Variants in RABGAP1L observed in about 807,000 individuals in gnomAD.
RABGAP1L encodes the protein RAB GTPase activating protein 1 like.
Under a neutral mutation model 137.7 loss-of-function variants are expected in RABGAP1L, and 63 were observed. That is an observed-to-expected ratio of 0.46 (90% confidence interval 0.37 to 0.56). The LOEUF (loss-of-function observed/expected upper bound fraction) is 0.56. Ranked by LOEUF, RABGAP1L falls within the 20% of genes least tolerant of loss-of-function variation. The pLI, the probability that RABGAP1L is intolerant of heterozygous loss-of-function variation, is 0.00. For missense variants in RABGAP1L, 1,095 were observed against 1,244.0 expected (o/e 0.88, Z 1.80); for synonymous variants, 431 against 433.7 (o/e 0.99, Z 0.08).
In RABGAP1L at chr1:174,993,788, T is replaced by A. The variant is rs1672209455; in HGVS notation, c.*3787T>A. 6.6e-6 allele frequency: 1 copy of A among 152,260 alleles called. No homozygotes were observed. The highest frequency in any genetic ancestry group is 6.5e-5 in the Admixed American group (1 of 15,290). The allele number at this position is 152,260 out of a possible 1,614,324, so 9.4% of individuals were successfully genotyped here. On this transcript the variant is annotated 3_prime_UTR_variant, in exon 26 of 26. Coordinates refer to ENST00000681986, the MANE Select transcript of RABGAP1L (RefSeq NM_001366446.1). ...CTGGGAAAGAACACTTTTACTTGATTAGCAAGATGATTATATTATATAACT... is the reference window on the plus strand; with the variant it reads ...CTGGGAAAGAACACTTTTACTTGATAAGCAAGATGATTATATTATATAACT...
intron 14 of RABGAP1L, among the ~76,000 whole-genome samples, chr1:174,678,169 C>T (rs973560432): frequency 6.6e-6 from 1 of 151,922 alleles, no homozygotes; most frequent in Non-Finnish European, 1.5e-5. Flanking sequence ...TTTTGAAAAA[C>T]ACAAATTATT....
At chr1:174,363,390 A>G (rs1684310050) in intron 11 of RABGAP1L, among the ~76,000 whole-genome samples, 1 of 152,204 alleles carries the variant, frequency 6.6e-6, no homozygotes, top group Non-Finnish European at 1.5e-5. Context: ...GGCCATTTTC[A>G]CAATATTGCT....
chr1:174,343,484 A>G (rs1378656451), intron 11 of RABGAP1L, among the ~76,000 whole-genome samples: 1 of 152,188 alleles, frequency 6.6e-6, no homozygotes, highest in East Asian at 1.9e-4. Context: ...CTAGTTCACA[A>G]TAAATATCTC....
chr1:174,478,289 G>A (rs1658722354), intron 13 of RABGAP1L, among the ~76,000 whole-genome samples: 1 of 151,764 alleles, frequency 6.6e-6, no homozygotes, highest in Non-Finnish European at 1.5e-5. Flanking sequence ...GTGTGTGGTT[G>A]AGACAGGATC....
intron 20 of RABGAP1L, among the ~76,000 whole-genome samples, chr1:174,960,142 A>G (rs1188286607): frequency 1.3e-5 from 2 of 152,156 alleles, no homozygotes; most frequent in Non-Finnish European, 2.9e-5. Flanking sequence ...TCCACACCCT[A>G]GCTTGCCATA....
intron 19 of RABGAP1L, chr1:174,849,633 G>GAT (rs1458544206): frequency 3.9e-5 from 15 of 381,092 alleles, no homozygotes; most frequent in African/African-American, 2.5e-4. Flanking sequence ...AAATATACAG[G>GAT]ATGAGAAGTA....
intron 7 of RABGAP1L, among the ~76,000 whole-genome samples, chr1:174,264,742 T>C (rs556677210): frequency 6.7e-6 from 1 of 148,860 alleles, no homozygotes; most frequent in East Asian, 2.0e-4. Context: ...CTTCCAACTA[T>C]GTAAAGAAAG....
At chr1:174,535,797 CTTAG>C (rs749090684) in intron 13 of RABGAP1L, among the ~76,000 whole-genome samples, 5 of 152,096 alleles carry the variant, frequency 3.3e-5, no homozygotes, top group Admixed American at 2.0e-4. Flanking sequence ...AGAATTGCTT[CTTAG>C]TTTTTCATTA....
rs532345155 is a variant in RABGAP1L, at chr1:174,769,493, A to G, written c.2211+17139A>G. 1.4e-4 allele frequency among the ~76,000 whole-genome samples: 21 copies of G among 152,312 alleles called. No homozygotes were observed. In the East Asian group the frequency reaches 4.0e-3, roughly 29 times the overall value. ...AGAATAATGGCTGACAATCACGTCC[A>G]CACCATAGAAGAATTCAAGCTCCTC... On this transcript the variant is annotated intron_variant, in intron 18 of 25. Transcript: ENST00000681986.
At chr1:174,746,097 C>G (rs1683839374) in intron 17 of RABGAP1L, among the ~76,000 whole-genome samples, 1 of 152,198 alleles carries the variant, frequency 6.6e-6, no homozygotes, top group Non-Finnish European at 1.5e-5. Context: ...TCAGCTCTCT[C>G]TGAACCCACG....
In RABGAP1L at chr1:174,749,819, T is replaced by C. The variant is rs1322060426; in HGVS notation, c.2170-2494T>C. On this transcript the variant is annotated intron_variant, in intron 17 of 25. Coordinates refer to ENST00000681986, the MANE Select transcript of RABGAP1L (RefSeq NM_001366446.1). Reference sequence around the variant, plus strand: ...AAGGGAATCCTCTATAGAAAGTAAATTTTCCCCACAAGAGACAACTTTGTA... The same window carrying C: ...AAGGGAATCCTCTATAGAAAGTAAACTTTCCCCACAAGAGACAACTTTGTA... Among the ~76,000 whole-genome samples, 5 of 152,230 alleles carry C rather than the reference T, an allele frequency of 3.3e-5. No homozygotes were observed. In the East Asian group the frequency reaches 9.7e-4, roughly 29 times the overall value.
chr1:174,608,451 G>T (rs1285840860), intron 13 of RABGAP1L, among the ~76,000 whole-genome samples: 2 of 152,082 alleles, frequency 1.3e-5, no homozygotes, highest in African/African-American at 4.8e-5. Context: ...ATACAACTTG[G>T]TATTACAGTA....
chr1:174,455,272 A>G (rs934291588), intron 13 of RABGAP1L, among the ~76,000 whole-genome samples: 1 of 152,162 alleles, frequency 6.6e-6, no homozygotes, highest in Non-Finnish European at 1.5e-5. Flanking sequence ...AAATTTGAAA[A>G]CTTCCAAAAA....
chr1:174,729,975 A>G (rs1682325289), intron 17 of RABGAP1L, among the ~76,000 whole-genome samples: 1 of 152,216 alleles, frequency 6.6e-6, no homozygotes, highest in Admixed American at 6.5e-5. Flanking sequence ...CTGGATGTAT[A>G]TTTAAAAGAA....
At chr1:174,262,364 T>G (rs939981071) in intron 7 of RABGAP1L, among the ~76,000 whole-genome samples, 2 of 152,222 alleles carry the variant, frequency 1.3e-5, no homozygotes, top group African/African-American at 2.4e-5. Context: ...AGAAATACTT[T>G]TAAAATATGA....
At chr1:174,863,795 CA>C (rs1461913914) in intron 19 of RABGAP1L, among the ~76,000 whole-genome samples, 2 of 151,878 alleles carry the variant, frequency 1.3e-5, no homozygotes, top group African/African-American at 4.8e-5. Context: ...GCCTGGCCAA[CA>C]TGGTGAAACC....
At chr1:174,386,668 T>A (rs1363352523) in intron 12 of RABGAP1L, among the ~76,000 whole-genome samples, 1 of 152,010 alleles carries the variant, frequency 6.6e-6, no homozygotes, top group East Asian at 1.9e-4. Context: ...CCACCACGCC[T>A]GGCTAATTTT....
chr1:174,480,253 G>T (rs1465477507), intron 13 of RABGAP1L, among the ~76,000 whole-genome samples: 1 of 152,104 alleles, frequency 6.6e-6, no homozygotes, highest in African/African-American at 2.4e-5. Context: ...AGATAATCTT[G>T]TCAGAAACAG....
In RABGAP1L at chr1:174,837,687, CT is replaced by C. The variant is rs1299896280; in HGVS notation, c.2340+25728del. The stretch of plus-strand genomic sequence containing the variant: ...CCAGGCTGAAGTTTACAGCTGTGTC[CT>C]GGTTGAAATTCTAAAACAAAAGGAG... On this transcript the variant is annotated intron_variant, in intron 19 of 25. Coordinates refer to ENST00000681986, the MANE Select transcript of RABGAP1L (RefSeq NM_001366446.1). Among the ~76,000 whole-genome samples, 7 of 152,082 alleles carry C rather than the reference CT, an allele frequency of 4.6e-5. No individual in the cohort carries two copies. The East Asian group carries it at 1.2e-3, about 25-fold the overall frequency.
Sources: gnomAD v4.1 joint callset for allele counts (sites outside exome capture counted in the v4.1 genomes callset) on GRCh38, gnomAD v4.1.1 for gene constraint, MANE v1.5 for transcripts, NCBI Gene and HGNC (gene_info 2026-07-23, HGNC 2026-07-21) for gene names.